GALNTL6: variants seen among roughly 807,000 people sequenced by gnomAD.
The protein encoded by GALNTL6 is polypeptide N-acetylgalactosaminyltransferase-like 6.
A neutral mutation model predicts 73.7 loss-of-function variants in GALNTL6; 46 were observed. The observed-to-expected ratio is 0.62, with a 90% CI of 0.49 to 0.80. The LOEUF (loss-of-function observed/expected upper bound fraction) is 0.80. Among genes scored for constraint, GALNTL6 ranks in the 30% least tolerant of loss-of-function variants. The probability of loss-of-function intolerance (pLI) is 0.00; values close to 1 mark genes in which losing one functional copy is unlikely to be tolerated. For synonymous variants in GALNTL6, 259 were observed against 263.7 expected (o/e 0.98, Z 0.17); for missense variants, 604 against 755.0 (o/e 0.80, Z 2.34).
intron 5 of GALNTL6, among the ~76,000 whole-genome samples, chr4:172,662,188 T>C (rs1731411205): frequency 6.6e-6 from 1 of 152,212 alleles, no homozygotes; most frequent in Non-Finnish European, 1.5e-5. Flanking sequence ...TATATTTCAG[T>C]TGAGATCTGA....
chr4:172,045,975 A>G (rs1302026423), intron 2 of GALNTL6, among the ~76,000 whole-genome samples: 1 of 151,990 alleles, frequency 6.6e-6, no homozygotes, highest in East Asian at 1.9e-4. Flanking sequence ...AGCTTATCTC[A>G]TTTAGTATAA....
At chr4:172,224,751 C>G (rs112616816) in intron 2 of GALNTL6, among the ~76,000 whole-genome samples, 2 of 152,070 alleles carry the variant, frequency 1.3e-5, no homozygotes, top group African/African-American at 4.8e-5. Context: ...ATTTCTGTCC[C>G]CAAAAGGTGC....
intron 3 of GALNTL6, among the ~76,000 whole-genome samples, chr4:172,297,761 A>T (rs1739738836): frequency 6.6e-6 from 1 of 152,066 alleles, no homozygotes; most frequent in African/African-American, 2.4e-5. Context: ...GTTGCCTTGT[A>T]GTATAGTTTG....
chr4:172,662,365 T>C (rs961413212), intron 5 of GALNTL6, among the ~76,000 whole-genome samples: 1 of 152,226 alleles, frequency 6.6e-6, no homozygotes, highest in African/African-American at 2.4e-5. Context: ...AAGCTGGATC[T>C]GACCTAGTGA....
intron 9 of GALNTL6, among the ~76,000 whole-genome samples, chr4:172,941,914 A>G (rs1395047248): frequency 6.6e-6 from 1 of 152,234 alleles, no homozygotes; most frequent in African/African-American, 2.4e-5. Context: ...GTGAATGCAC[A>G]GTACCACTGT....
chr4:172,746,242 T>A (rs544033405), intron 5 of GALNTL6, among the ~76,000 whole-genome samples: 97 of 152,232 alleles, frequency 6.4e-4, no homozygotes, highest in African/African-American at 2.2e-3. Flanking sequence ...AATAAAAATC[T>A]ACCACACAAC....
intron 11 of GALNTL6, among the ~76,000 whole-genome samples, chr4:173,011,068 T>C (rs1332589311): frequency 2.0e-5 from 3 of 152,240 alleles, no homozygotes; most frequent in East Asian, 1.9e-4. Flanking sequence ...GGTGAGATGA[T>C]AACTCATTGT....
intron 5 of GALNTL6, among the ~76,000 whole-genome samples, chr4:172,391,370 TGC>T (rs1743659794): frequency 6.6e-6 from 1 of 152,152 alleles, no homozygotes; most frequent in African/African-American, 2.4e-5. Flanking sequence ...GATGGGGTCT[TGC>T]TCTGTTGCCC....
At chr4:171,938,290 A>G (rs1738416235) in intron 2 of GALNTL6, among the ~76,000 whole-genome samples, 2 of 152,102 alleles carry the variant, frequency 1.3e-5, no homozygotes, top group Admixed American at 1.3e-4. Context: ...GACAACAATT[A>G]CTGAATACAG....
chr4:171,871,563 A>T (rs1736138555), intron 2 of GALNTL6, among the ~76,000 whole-genome samples: 1 of 152,170 alleles, frequency 6.6e-6, no homozygotes, highest in Non-Finnish European at 1.5e-5. Flanking sequence ...GACATTAGTT[A>T]TATTGCCCGC....
At position 172,042,864 on chromosome 4, in the gene GALNTL6, T is replaced by TAAAAAAAAA. The variant is rs397996272; in HGVS notation, c.139-186773_139-186765dup. ...GTTCTATCCGAGCAATCTTTAACAGTAAAAAAAAAAAAAAAAAAAAAAAAA... is the reference window on the plus strand; with the variant it reads ...GTTCTATCCGAGCAATCTTTAACAGTAAAAAAAAAAAAAAAAAAAAAAAAAAAAAAAAAA... On this transcript the variant is annotated intron_variant, in intron 2 of 12. Transcript: ENST00000506823. Among the ~76,000 whole-genome samples the TAAAAAAAAA allele has an allele frequency of 7.0e-4, 31 of 44,402 alleles. 1 individual carries two copies. The highest frequency in any genetic ancestry group is 2.0e-3 in the African/African-American group (24 of 11,774). 29.1% of individuals were successfully genotyped at this position (44,402 alleles called of 152,430 possible).
In GALNTL6 at chr4:172,882,023, C is replaced by CA. The variant is rs879592913; in HGVS notation, c.924-754dup. On this transcript the variant is annotated intron_variant, in intron 7 of 12. Transcript: ENST00000506823. ...TTAGACCAGCACATAGTGAGCAGTCCAAAAAAAAAAAAATAAACAAGAGCA... is the reference window on the plus strand; with the variant it reads ...TTAGACCAGCACATAGTGAGCAGTCCAAAAAAAAAAAAAATAAACAAGAGCA... Among the ~76,000 whole-genome samples the CA allele has an allele frequency of 5.5e-3, 668 of 121,184 alleles. 6 individuals are homozygous for CA. Among genetic ancestry groups the CA allele is most frequent in the African/African-American group, 0.016 (535 of 32,480 alleles). The allele number at this position is 121,184 out of a possible 152,430, so 79.5% of individuals were successfully genotyped here. A position where few individuals can be genotyped will look rare whatever the true frequency, so the allele number is the denominator to read the frequency against.
rs555228021 is a variant in GALNTL6 at position 172,054,411 on chromosome 4, T to C, written c.139-175245T>C. On this transcript the variant is annotated intron_variant, in intron 2 of 12. Transcript: ENST00000506823. Reference sequence around the variant, plus strand: ...ATTTAGGCTGCTATAATGAAATTGATGGAATGGCTTATAAACAACAATTGA... The same window carrying C: ...ATTTAGGCTGCTATAATGAAATTGACGGAATGGCTTATAAACAACAATTGA... Among the ~76,000 whole-genome samples, 19 of 152,292 alleles carry C rather than the reference T, an allele frequency of 1.2e-4. No individual in the cohort carries two copies. The East Asian group carries it at 3.5e-3, about 28-fold the overall frequency.
At chr4:172,461,961 G>A (rs962545634) in intron 5 of GALNTL6, among the ~76,000 whole-genome samples, 1 of 152,142 alleles carries the variant, frequency 6.6e-6, no homozygotes, top group African/African-American at 2.4e-5. Context: ...TGACTGGGCA[G>A]CATCCAATAT....
intron 2 of GALNTL6, among the ~76,000 whole-genome samples, chr4:172,187,400 C>A (rs1456702672): frequency 6.6e-6 from 1 of 152,050 alleles, no homozygotes; most frequent in Admixed American, 6.5e-5. Flanking sequence ...TTGCTTAAAG[C>A]CAGCTTTCCG....
At chr4:172,225,463 A>G (rs932590450) in intron 2 of GALNTL6, among the ~76,000 whole-genome samples, 1 of 150,082 alleles carries the variant, frequency 6.7e-6, no homozygotes, top group Non-Finnish European at 1.5e-5. Context: ...TCCAATTCAT[A>G]CGGATTAGAG....
intron 2 of GALNTL6, among the ~76,000 whole-genome samples, chr4:171,929,773 G>T (rs1299371640): frequency 6.6e-6 from 1 of 152,184 alleles, no homozygotes; most frequent in South Asian, 2.1e-4. Flanking sequence ...TTCCTGGAGA[G>T]ACTGCAGCAG....
intron 2 of GALNTL6, among the ~76,000 whole-genome samples, chr4:171,911,265 G>A (rs6838082): frequency 0.035 from 5,327 of 152,158 alleles, 287 homozygotes; most frequent in African/African-American, 0.12. Flanking sequence ...GCTCTGTCAA[G>A]CCTCCCACTT....
chr4:172,097,539 C>T (rs1032261097), intron 2 of GALNTL6, among the ~76,000 whole-genome samples: 3 of 152,102 alleles, frequency 2.0e-5, no homozygotes, highest in Non-Finnish European at 2.9e-5. Flanking sequence ...TCCCTTCCTC[C>T]CTCCCTCCCT....
Sources: allele counts gnomAD v4.1 joint callset (sites outside exome capture counted in the v4.1 genomes callset), GRCh38; gene constraint gnomAD v4.1.1; transcripts MANE v1.5; gene names NCBI Gene and HGNC (gene_info 2026-07-23, HGNC 2026-07-21).